The following ULK4 variants were observed in gnomAD, a reference collection of about 807,000 sequenced individuals.
The protein encoded by ULK4 is inactive serine/threonine-protein kinase ULK4.
A neutral mutation model predicts 160.6 loss-of-function variants in ULK4; 133 were observed. The observed-to-expected ratio is 0.83, with a 90% CI of 0.72 to 0.96. The LOEUF (loss-of-function observed/expected upper bound fraction) is 0.96, where lower values mean the gene tolerates loss of function less well. Ranked by LOEUF, ULK4 falls within the 40% of genes least tolerant of loss-of-function variation. The pLI, the probability that ULK4 is intolerant of heterozygous loss-of-function variation, is 0.00. For missense variants in ULK4, 1,580 were observed against 1,499.5 expected (o/e 1.05, Z -0.89); for synonymous variants, 534 against 539.8 (o/e 0.99, Z 0.15).
chr3:41,348,096 C>A (rs771154394), intron 35 of ULK4, among the ~76,000 whole-genome samples: 1 of 150,538 alleles, frequency 6.6e-6, no homozygotes, highest in Non-Finnish European at 1.5e-5. Flanking sequence ...GTAGTCCCAG[C>A]TGCTTGGGAG....
At chr3:41,418,369 C>T (rs1218935616) in intron 34 of ULK4, among the ~76,000 whole-genome samples, 2 of 147,740 alleles carry the variant, frequency 1.4e-5, no homozygotes, top group Non-Finnish European at 3.0e-5. Context: ...TTCTAAGCTA[C>T]ACAGTTTGTC....
At chr3:41,871,634 A>T (rs1189328241) in intron 17 of ULK4, among the ~76,000 whole-genome samples, 2 of 152,232 alleles carry the variant, frequency 1.3e-5, no homozygotes, top group African/African-American at 4.8e-5. Flanking sequence ...TCTACTATTC[A>T]TATAGCCTCT....
At chr3:41,490,670 A>C (rs1158559748) in intron 32 of ULK4, among the ~76,000 whole-genome samples, 2 of 152,230 alleles carry the variant, frequency 1.3e-5, no homozygotes, top group African/African-American at 4.8e-5. Flanking sequence ...ACATTTTTAA[A>C]ATATTGAATA....
chr3:41,248,814 C>T (rs1158931129), intron 36 of ULK4, among the ~76,000 whole-genome samples: 1 of 152,198 alleles, frequency 6.6e-6, no homozygotes. Flanking sequence ...GGGATGCCAG[C>T]TCCTTCTGCT....
chr3:41,643,727 A>C (rs1007893780), intron 30 of ULK4, among the ~76,000 whole-genome samples: 1 of 152,174 alleles, frequency 6.6e-6, no homozygotes, highest in South Asian at 2.1e-4. Flanking sequence ...AGTTCTGTGA[A>C]GAAAGTCATT....
At chr3:41,442,415 A>T (rs1191835773) in intron 34 of ULK4, among the ~76,000 whole-genome samples, 1 of 152,156 alleles carries the variant, frequency 6.6e-6, no homozygotes, top group Non-Finnish European at 1.5e-5. Context: ...CCCAGAGTAA[A>T]CCACTGCAAG....
intron 5 of ULK4, among the ~76,000 whole-genome samples, chr3:41,920,953 T>C (rs1045789995): frequency 6.6e-6 from 1 of 152,200 alleles, no homozygotes; most frequent in African/African-American, 2.4e-5. Flanking sequence ...TCATTAATAT[T>C]TGTTGAATAT....
chr3:41,875,468 A>T (rs570254521), intron 17 of ULK4, among the ~76,000 whole-genome samples: 2 of 152,168 alleles, frequency 1.3e-5, no homozygotes, highest in African/African-American at 4.8e-5. Context: ...TCTACAAAAA[A>T]TAAAAAATAA....
chr3:41,954,598 G>T, intron 2 of ULK4, 24 bp downstream of exon 2: 1 of 1,601,864 alleles, frequency 6.2e-7, no homozygotes. Context: ...CTTTCCCCAT[G>T]CCAATGGAAA....
intron 20 of ULK4, among the ~76,000 whole-genome samples, chr3:41,796,711 A>C (rs1252690059): frequency 6.6e-6 from 1 of 152,194 alleles, no homozygotes; most frequent in Non-Finnish European, 1.5e-5. Context: ...TTTAAAATAT[A>C]AATGTCTATG....
At chr3:41,573,464 T>C (rs749840581) in intron 31 of ULK4, among the ~76,000 whole-genome samples, 2 of 152,214 alleles carry the variant, frequency 1.3e-5, no homozygotes, top group African/African-American at 2.4e-5. Flanking sequence ...AGGATCTAAA[T>C]AGTCAAGGTA....
At chr3:41,900,445 C>T (rs1698311461) in intron 13 of ULK4, among the ~76,000 whole-genome samples, 1 of 152,164 alleles carries the variant, frequency 6.6e-6, no homozygotes, top group African/African-American at 2.4e-5. Flanking sequence ...GCAACCCCTC[C>T]ATGGCATGTG....
intron 35 of ULK4, among the ~76,000 whole-genome samples, chr3:41,378,549 A>G (rs978237576): frequency 4.0e-5 from 6 of 151,536 alleles, no homozygotes; most frequent in Admixed American, 6.6e-5. Flanking sequence ...ACCAAGCACC[A>G]CATGTTCTCA....
intron 3 of ULK4, chr3:41,937,787 ATAGC>A: frequency 9.5e-6 from 2 of 211,518 alleles, no homozygotes; most frequent in South Asian, 1.7e-4. Context: ...TAGCTAATTA[ATAGC>A]TAGTCAACTT....
intron 20 of ULK4, among the ~76,000 whole-genome samples, chr3:41,797,983 G>C (rs1181704684): frequency 6.6e-6 from 1 of 152,018 alleles, no homozygotes; most frequent in Non-Finnish European, 1.5e-5. Flanking sequence ...CCATGCTCCT[G>C]AACAGGATCT....
At chr3:41,390,272 A>C (rs2081928039) in intron 35 of ULK4, among the ~76,000 whole-genome samples, 1 of 151,710 alleles carries the variant, frequency 6.6e-6, no homozygotes, top group Non-Finnish European at 1.5e-5. Flanking sequence ...TTTCTTCTTT[A>C]TTAGTCTTGC....
intron 34 of ULK4, among the ~76,000 whole-genome samples, chr3:41,415,299 T>C (rs2082498893): frequency 6.6e-6 from 1 of 152,162 alleles, no homozygotes; most frequent in Admixed American, 6.5e-5. Flanking sequence ...CTCTCCCTAC[T>C]TTAGACATTC....
At chr3:41,681,853 G>C (rs1198823499) in intron 27 of ULK4, 49 bp from the exon 28 acceptor site, 1 of 1,590,984 alleles carries the variant, frequency 6.3e-7, no homozygotes, top group African/African-American at 1.3e-5. Context: ...ACACAAAACT[G>C]ATATCAACCA....
At chr3:41,267,354 T>C (rs963985604) in intron 35 of ULK4, among the ~76,000 whole-genome samples, 2 of 152,206 alleles carry the variant, frequency 1.3e-5, no homozygotes, top group Non-Finnish European at 2.9e-5. Flanking sequence ...TATTCCTTTT[T>C]ATGGCTGCAT....
Sources: allele counts gnomAD v4.1 joint callset (sites outside exome capture counted in the v4.1 genomes callset), GRCh38; gene constraint gnomAD v4.1.1; transcripts MANE v1.5; gene names NCBI Gene and HGNC (gene_info 2026-07-23, HGNC 2026-07-21).